The following TYW1B variants were observed in gnomAD, a reference collection of about 807,000 sequenced individuals.
TYW1B encodes the protein tRNA-yW synthesizing protein 1 homolog B.
In TYW1B, 73 loss-of-function variants were observed where a neutral mutation model predicts 86.9. The ratio of observed to expected loss-of-function variants is 0.84; its 90% CI spans 0.70 to 1.02. The LOEUF (loss-of-function observed/expected upper bound fraction) is 1.02, where lower values mean the gene tolerates loss of function less well. Ranked by LOEUF, TYW1B falls within the 50% of genes least tolerant of loss-of-function variation. The probability of loss-of-function intolerance (pLI) is 0.00; values close to 1 mark genes in which losing one functional copy is unlikely to be tolerated. For synonymous variants in TYW1B, 248 were observed against 292.8 expected, an observed-to-expected ratio of 0.85 and a Z score of 1.56; for missense variants, 637 against 827.4, an observed-to-expected ratio of 0.77 and a Z score of 2.82.
chr7:72,819,157 A>G (rs1269195840), intron 2 of TYW1B, among the ~76,000 whole-genome samples: 2 of 152,108 alleles, frequency 1.3e-5, no homozygotes, highest in African/African-American at 4.8e-5. Context: ...AGACTGAAAA[A>G]AAGGGAACCA....
intron 7 of TYW1B, among the ~76,000 whole-genome samples, chr7:72,774,062 CAAA>C (rs35480783): frequency 7.3e-5 from 4 of 54,818 alleles, no homozygotes; most frequent in East Asian, 3.7e-4. Flanking sequence ...AACTCCATCT[CAAA>C]AAAAAAAAAA....
intron 11 of TYW1B, among the ~76,000 whole-genome samples, chr7:72,639,572 G>T (rs544122133): frequency 6.6e-6 from 1 of 152,208 alleles, no homozygotes; most frequent in South Asian, 2.1e-4. Flanking sequence ...AACAAGAATG[G>T]TAAGGTCTTA....
At chr7:72,730,451 G>C (rs1200290520) in intron 8 of TYW1B, among the ~76,000 whole-genome samples, 1 of 144,894 alleles carries the variant, frequency 6.9e-6, no homozygotes, top group Non-Finnish European at 1.5e-5. Context: ...ACAACTGAGA[G>C]TTTCAACAAC....
intron 9 of TYW1B, among the ~76,000 whole-genome samples, chr7:72,727,609 G>A (rs1161038248): frequency 6.6e-6 from 1 of 152,084 alleles, no homozygotes; most frequent in African/African-American, 2.4e-5. Context: ...TTGAGTCTAA[G>A]AGTTTGAGAC....
intron 11 of TYW1B, among the ~76,000 whole-genome samples, chr7:72,686,549 A>G (rs1476364821): frequency 6.6e-6 from 1 of 152,156 alleles, no homozygotes; most frequent in Non-Finnish European, 1.5e-5. Context: ...GCCAGGGATG[A>G]GGGAGGGAGA....
chr7:72,632,368 C>T (rs71535699), intron 11 of TYW1B, among the ~76,000 whole-genome samples: 14,558 of 82,848 alleles, frequency 0.18, 2,077 homozygotes, highest in East Asian at 0.47. Flanking sequence ...TATATATACG[C>T]ATATATATTA....
At chr7:72,634,534 C>T (rs1812621421) in intron 11 of TYW1B, among the ~76,000 whole-genome samples, 1 of 149,506 alleles carries the variant, frequency 6.7e-6, no homozygotes, top group African/African-American at 2.5e-5. Flanking sequence ...CTAGGATCTA[C>T]CTAAATATGG....
intron 6 of TYW1B, among the ~76,000 whole-genome samples, chr7:72,797,174 A>G (rs1489726913): frequency 6.6e-6 from 1 of 152,168 alleles, no homozygotes; most frequent in Non-Finnish European, 1.5e-5. Context: ...TTTCCTAAGT[A>G]ATAGATTCAG....
intron 11 of TYW1B, among the ~76,000 whole-genome samples, chr7:72,678,629 T>TC (rs1231221029): frequency 0.21 from 29,139 of 138,188 alleles, 1 homozygote; most frequent in African/African-American, 0.31. Context: ...CTTTTTTTTT[T>TC]TTTTTTTTTT....
intron 8 of TYW1B, among the ~76,000 whole-genome samples, chr7:72,732,963 C>A (rs1787138051): frequency 6.6e-6 from 1 of 151,924 alleles, no homozygotes; most frequent in East Asian, 1.9e-4. Flanking sequence ...ACTGTTATAA[C>A]CAACTGTACA....
intron 11 of TYW1B, among the ~76,000 whole-genome samples, chr7:72,632,411 A>ACATATATATATATAATATATATATC (rs1812545741): frequency 9.1e-6 from 1 of 110,120 alleles, no homozygotes; most frequent in South Asian, 2.4e-4. Flanking sequence ...ATATATATAT[A>ACATATATATATATAATATATATATC]CATATATATA....
intron 12 of TYW1B, among the ~76,000 whole-genome samples, chr7:72,625,185 C>T (rs1812314628): frequency 6.6e-6 from 1 of 152,062 alleles, no homozygotes; most frequent in African/African-American, 2.4e-5. Context: ...CATTCATTTC[C>T]CAAATAGCAC....
intron 7 of TYW1B, among the ~76,000 whole-genome samples, chr7:72,758,694 G>A (rs1234966539): frequency 6.6e-6 from 1 of 152,094 alleles, no homozygotes; most frequent in Non-Finnish European, 1.5e-5. Context: ...TTGGAATGTG[G>A]TTTGGATAAG....
At chr7:72,799,528 C>T (rs535708800) in intron 6 of TYW1B, among the ~76,000 whole-genome samples, 2 of 149,662 alleles carry the variant, frequency 1.3e-5, no homozygotes, top group African/African-American at 2.5e-5. Flanking sequence ...TGCAGTGGCG[C>T]GATCTCGGCT....
chr7:72,624,461 A>T (rs1272322653), intron 12 of TYW1B, among the ~76,000 whole-genome samples: 9 of 152,252 alleles, frequency 5.9e-5, no homozygotes, highest in South Asian at 2.1e-4. Context: ...ACTAAAATTT[A>T]AAAAATGGAA....
chr7:72,760,704 T>C (rs181905746), intron 7 of TYW1B, among the ~76,000 whole-genome samples: 179 of 152,338 alleles, frequency 1.2e-3, no homozygotes, highest in Middle Eastern at 3.4e-3. Flanking sequence ...TTTAAAGTTA[T>C]TGGTAAAATA....
chr7:72,791,636 G>C (rs1788221632), intron 6 of TYW1B, among the ~76,000 whole-genome samples: 1 of 152,088 alleles, frequency 6.6e-6, no homozygotes, highest in Non-Finnish European at 1.5e-5. Flanking sequence ...AATTAGCTGG[G>C]CATGGTGGCA....
rs1162253814 is a variant in TYW1B at position 72,704,433 on chromosome 7, TAAAAAAAAAAAA to T, written c.1370+9176_1370+9187del. 1.4e-4 allele frequency among the ~76,000 whole-genome samples: 13 copies of T among 93,220 alleles called. 1 individual carries two copies. The South Asian group carries it at 4.8e-3, about 34-fold the overall frequency. 61.2% of individuals were successfully genotyped at this position (93,220 alleles called of 152,430 possible). A position where few individuals can be genotyped will look rare whatever the true frequency, so the allele number is the denominator to read the frequency against. On this transcript the variant is annotated intron_variant, in intron 10 of 13. Transcript: ENST00000620995. ...TAGGAGACAGAATGAGATTCTATCT[TAAAAAAAAAAAA>T]AAAAAAAAAAAAGTCCATCTTGGCC... is the stretch of plus-strand genomic sequence containing the variant.
At chr7:72,735,661 G>A (rs1296003285) in intron 8 of TYW1B, among the ~76,000 whole-genome samples, 3 of 151,952 alleles carry the variant, frequency 2.0e-5, no homozygotes, top group African/African-American at 7.3e-5. Context: ...CCTGAGGTCA[G>A]GAGTTCAAGA....
Sources: allele counts gnomAD v4.1 joint callset (sites outside exome capture counted in the v4.1 genomes callset), GRCh38; gene constraint gnomAD v4.1.1; transcripts MANE v1.5; gene names NCBI Gene and HGNC (gene_info 2026-07-23, HGNC 2026-07-21).